TEX36: variants seen among roughly 807,000 people sequenced by gnomAD.
The protein encoded by TEX36 is testis-expressed protein 36.
A neutral mutation model predicts 13.6 loss-of-function variants in TEX36; 12 were observed. That is an observed-to-expected ratio of 0.88 (90% confidence interval 0.56 to 1.43). TEX36 has a LOEUF of 1.43. TEX36 is among the 40% of genes most tolerant of loss of function. The pLI is 0.00. For missense variants in TEX36, 224 were observed against 228.3 expected, an observed-to-expected ratio of 0.98 and a Z score of 0.12; for synonymous variants, 93 against 83.0, an observed-to-expected ratio of 1.12 and a Z score of -0.65.
chr10:125,618,831 G>A (rs118151974), downstream of TEX36, among the ~76,000 whole-genome samples: 7 of 151,738 alleles, frequency 4.6e-5, no homozygotes, highest in East Asian at 1.4e-3. Context: ...CCTTGGCCAG[G>A]CGCGGTGGCT....
chr10:125,586,656 A>T (rs1054502956), intron 3 of TEX36, among the ~76,000 whole-genome samples: 3 of 146,222 alleles, frequency 2.1e-5, no homozygotes, highest in African/African-American at 7.6e-5. Flanking sequence ...AAAAAAAAAA[A>T]ATTAGCCAGG....
At chr10:125,631,896 G>A (rs1846561760) in intron 3 of TEX36, among the ~76,000 whole-genome samples, 1 of 152,128 alleles carries the variant, frequency 6.6e-6, no homozygotes, top group African/African-American at 2.4e-5. Context: ...CCACTGGTGG[G>A]GAGCCTGGCA....
chr10:125,589,264 C>G (rs1845994900), intron 3 of TEX36, among the ~76,000 whole-genome samples: 2 of 152,198 alleles, frequency 1.3e-5, no homozygotes, highest in African/African-American at 4.8e-5. Flanking sequence ...TCAGTTGACC[C>G]TGTTGGATTT....
chr10:125,615,892 G>A (rs952959841), intron 3 of TEX36, among the ~76,000 whole-genome samples: 1 of 152,112 alleles, frequency 6.6e-6, no homozygotes, highest in Non-Finnish European at 1.5e-5. Flanking sequence ...GCTAGAATTC[G>A]GCTGTGAATC....
exon 4 of TEX36, chr10:125,576,561 C>A: frequency 1.3e-6 from 1 of 773,028 alleles, no homozygotes; most frequent in Non-Finnish European, 2.0e-6. Context: ...ATACCTGCGC[C>A]CACACAGGCA....
intron 3 of TEX36, among the ~76,000 whole-genome samples, chr10:125,583,108 C>A (rs1438372390): frequency 6.6e-6 from 1 of 152,156 alleles, no homozygotes; most frequent in African/African-American, 2.4e-5. Context: ...GAAATTTATT[C>A]TTCTAATCAC....
chr10:125,635,064 C>A (rs76152701), intron 3 of TEX36, among the ~76,000 whole-genome samples: 2,839 of 152,246 alleles, frequency 0.019, 100 homozygotes, highest in African/African-American at 0.065. Context: ...GCATTGCCAA[C>A]CTAAAATTCC....
chr10:125,579,181 A>G (rs1377992739), intron 3 of TEX36, among the ~76,000 whole-genome samples: 1 of 152,236 alleles, frequency 6.6e-6, no homozygotes, highest in Non-Finnish European at 1.5e-5. Context: ...TCATGCTGCT[A>G]TAAAAAACTG....
Position 125,615,079 on chromosome 10 carries a change from C to T in TEX36, c.265-38205G>A, listed in dbSNP as rs569376633. 2.4e-3 allele frequency among the ~76,000 whole-genome samples: 360 copies of T among 152,108 alleles called. 2 individuals carry two copies. Among genetic ancestry groups the T allele is most frequent in the South Asian group, 0.018 (85 of 4,784 alleles). On this transcript the variant is annotated intron_variant, in intron 3 of 3. Coordinates refer to the TEX36 transcript ENST00000532135. The stretch of plus-strand genomic sequence containing the variant: ...GGAGTTCACTCATGATTTGGCTCTC[C>T]GTTTGTCTGTTGTTGGTGTATAAGA...
intron 3 of TEX36, among the ~76,000 whole-genome samples, chr10:125,637,642 G>A (rs565632942): frequency 1.7e-4 from 26 of 152,132 alleles, no homozygotes; most frequent in African/African-American, 6.0e-4. Flanking sequence ...GCTGACCCTA[G>A]AATCACTTAG....
chr10:125,633,995 T>C (rs146113467), intron 3 of TEX36, among the ~76,000 whole-genome samples: 1 of 152,258 alleles, frequency 6.6e-6, no homozygotes, highest in Non-Finnish European at 1.5e-5. Context: ...CAGCATTGGA[T>C]ACCTTTACTT....
intron 3 of TEX36, among the ~76,000 whole-genome samples, chr10:125,585,644 A>C (rs953801598): frequency 1.3e-5 from 2 of 152,198 alleles, no homozygotes; most frequent in Non-Finnish European, 2.9e-5. Flanking sequence ...TCTTACAGAG[A>C]CAGAGAAAAG....
At chr10:125,600,438 G>C (rs1846131523) in intron 3 of TEX36, among the ~76,000 whole-genome samples, 1 of 152,102 alleles carries the variant, frequency 6.6e-6, no homozygotes, top group African/African-American at 2.4e-5. Flanking sequence ...CCATATCTGT[G>C]AGATCCCTGC....
chr10:125,633,913 C>T (rs892880676), intron 3 of TEX36, among the ~76,000 whole-genome samples: 1 of 152,092 alleles, frequency 6.6e-6, no homozygotes, highest in Non-Finnish European at 1.5e-5. Context: ...AGGCATTAAG[C>T]GGGAGGCAGG....
At chr10:125,649,787 A>C (rs1479248820) in intron 3 of TEX36, among the ~76,000 whole-genome samples, 5 of 152,224 alleles carry the variant, frequency 3.3e-5, no homozygotes, top group Non-Finnish European at 7.3e-5. Context: ...GCTCAAAACA[A>C]AGGGATGAAG....
chr10:125,629,049 C>A (rs979022686), intron 3 of TEX36, among the ~76,000 whole-genome samples: 6 of 152,212 alleles, frequency 3.9e-5, no homozygotes, highest in Admixed American at 3.9e-4. Flanking sequence ...ATGACTTACA[C>A]CCAGCCTGGG....
At chr10:125,585,680 G>T (rs998655003) in intron 3 of TEX36, among the ~76,000 whole-genome samples, 1 of 152,158 alleles carries the variant, frequency 6.6e-6, no homozygotes, top group African/African-American at 2.4e-5. Context: ...GGCTTTCTGG[G>T]TTCCCCCACA....
chr10:125,630,707 A>G (rs1240123761), intron 3 of TEX36, among the ~76,000 whole-genome samples: 1 of 151,974 alleles, frequency 6.6e-6, no homozygotes, highest in Non-Finnish European at 1.5e-5. Flanking sequence ...TGTTAGGGGG[A>G]TGGCACCCGG....
At chr10:125,655,370 A>C (rs1332813995), downstream of TEX36, among the ~76,000 whole-genome samples, 1 of 152,198 alleles carries the variant, frequency 6.6e-6, no homozygotes, top group African/African-American at 2.4e-5. Flanking sequence ...GCTTGAACCC[A>C]GAAGGCAGAG....
Sources: allele counts gnomAD v4.1 joint callset (sites outside exome capture counted in the v4.1 genomes callset), GRCh38; gene constraint gnomAD v4.1.1; transcripts MANE v1.5; gene names NCBI Gene and HGNC (gene_info 2026-07-23, HGNC 2026-07-21).